DNAJC1: variants seen among roughly 807,000 people sequenced by gnomAD.
DNAJC1 encodes DnaJ heat shock protein family (Hsp40) member C1, also known as dnaJ homolog subfamily C member 1.
Under a neutral mutation model 76.6 loss-of-function variants are expected in DNAJC1, and 58 were observed. That is an observed-to-expected ratio of 0.76 (90% CI 0.61 to 0.94). The LOEUF (loss-of-function observed/expected upper bound fraction) is 0.94. Among genes scored for constraint, DNAJC1 ranks in the 40% least tolerant of loss-of-function variants. DNAJC1 has a pLI of 0.00. For synonymous variants in DNAJC1, 258 were observed against 267.9 expected, an observed-to-expected ratio of 0.96 and a Z score of 0.36; for missense variants, 689 against 677.3, an observed-to-expected ratio of 1.02 and a Z score of -0.19.
chr10:21,891,634 T>C (rs554951262), intron 7 of DNAJC1, among the ~76,000 whole-genome samples: 7 of 151,934 alleles, frequency 4.6e-5, no homozygotes, highest in South Asian at 4.1e-4. Flanking sequence ...CCCCAAACCA[T>C]AGAGGCCAGA....
chr10:21,829,104 CACT>C (rs1235017877), intron 8 of DNAJC1, among the ~76,000 whole-genome samples: 1 of 152,096 alleles, frequency 6.6e-6, no homozygotes, highest in Non-Finnish European at 1.5e-5. Flanking sequence ...GATCTTGGCT[CACT>C]GCAACCTCTG....
chr10:21,886,525 A>AC (rs1384853057), intron 7 of DNAJC1, among the ~76,000 whole-genome samples: 1 of 152,122 alleles, frequency 6.6e-6, no homozygotes, highest in East Asian at 1.9e-4. Context: ...AGCCACAACA[A>AC]CAAAAAAACT....
chr10:21,942,862 G>C (rs1339495566), intron 1 of DNAJC1, among the ~76,000 whole-genome samples: 7 of 147,380 alleles, frequency 4.7e-5, no homozygotes, highest in Non-Finnish European at 9.0e-5. Flanking sequence ...ACAATACCAA[G>C]CCTATATTCA....
intron 1 of DNAJC1, among the ~76,000 whole-genome samples, chr10:21,955,702 A>G (rs941675481): frequency 6.6e-6 from 1 of 152,162 alleles, no homozygotes; most frequent in Non-Finnish European, 1.5e-5. Context: ...TTATCAAACA[A>G]TATTTTGTTT....
chr10:21,852,402 G>A (rs1835770977), intron 8 of DNAJC1, among the ~76,000 whole-genome samples: 1 of 152,054 alleles, frequency 6.6e-6, no homozygotes, highest in African/African-American at 2.4e-5. Context: ...CAGAGGTGGT[G>A]GTTGGACAAC....
chr10:21,948,147 G>T (rs1318396948), intron 1 of DNAJC1, among the ~76,000 whole-genome samples: 1 of 146,970 alleles, frequency 6.8e-6, no homozygotes, highest in East Asian at 2.0e-4. Context: ...CTGGAGTACA[G>T]TGGCACAATC....
intron 8 of DNAJC1, among the ~76,000 whole-genome samples, chr10:21,847,426 A>G (rs1409890293): frequency 6.6e-6 from 1 of 152,106 alleles, no homozygotes; most frequent in Non-Finnish European, 1.5e-5. Flanking sequence ...AAAATTTATC[A>G]TTTCTTTGGG....
chr10:21,857,417 T>C (rs1835852404), intron 8 of DNAJC1, among the ~76,000 whole-genome samples: 1 of 152,196 alleles, frequency 6.6e-6, no homozygotes, highest in African/African-American at 2.4e-5. Context: ...GTTCTACACC[T>C]CATGGAGTGA....
intron 1 of DNAJC1, among the ~76,000 whole-genome samples, chr10:21,940,158 A>G (rs1466204444): frequency 6.6e-6 from 1 of 152,104 alleles, no homozygotes; most frequent in Non-Finnish European, 1.5e-5. Flanking sequence ...TAAAATAAAT[A>G]GAAAAAAGAA....
chr10:21,902,485 A>G (rs923813319), intron 7 of DNAJC1, among the ~76,000 whole-genome samples: 1 of 151,936 alleles, frequency 6.6e-6, no homozygotes, highest in Non-Finnish European at 1.5e-5. Flanking sequence ...TTGTATTTTT[A>G]ATAGAGATGG....
At chr10:21,835,270 T>C (rs1482993671) in intron 8 of DNAJC1, among the ~76,000 whole-genome samples, 1 of 152,098 alleles carries the variant, frequency 6.6e-6, no homozygotes, top group Non-Finnish European at 1.5e-5. Context: ...GAGGGTCCTG[T>C]CTGTTAGAAG....
At chr10:21,816,420 T>C (rs1249671852) in intron 8 of DNAJC1, among the ~76,000 whole-genome samples, 1 of 151,224 alleles carries the variant, frequency 6.6e-6, no homozygotes, top group African/African-American at 2.4e-5. Context: ...CAAAAATCAA[T>C]TGACCAGCTG....
In DNAJC1 at chr10:21,908,899, T is replaced by TC. The variant is rs773788408; in HGVS notation, c.730-4288dup. On this transcript the variant is annotated intron_variant, in intron 6 of 11. Coordinates refer to ENST00000376980, the MANE Select transcript of DNAJC1 (RefSeq NM_022365.4). ...CTTAAAATTTCTTTCTTTTTTTTTT[T>TC]CCCCAAGACAGAGTCTCGCTGTGTC... Among the ~76,000 whole-genome samples the TC allele has an allele frequency of 1.4e-4, 22 of 152,044 alleles. No individual in the cohort carries two copies. In the East Asian group the frequency reaches 3.5e-3, roughly 24 times the overall value.
intron 9 of DNAJC1, among the ~76,000 whole-genome samples, chr10:21,803,589 C>CTGTGTGTGTGTG (rs113615504): frequency 1.7e-4 from 24 of 140,732 alleles, no homozygotes; most frequent in African/African-American, 5.5e-4. Context: ...GAGTGATTTT[C>CTGTGTGTGTGTG]TGTGTGTGTG....
chr10:21,838,091 C>A (rs1016980124), intron 8 of DNAJC1, among the ~76,000 whole-genome samples: 1 of 151,850 alleles, frequency 6.6e-6, no homozygotes, highest in African/African-American at 2.4e-5. Flanking sequence ...GTGAGGAGCC[C>A]CTCTGCCCGG....
chr10:21,835,205 C>G (rs561434309), intron 8 of DNAJC1, among the ~76,000 whole-genome samples: 2 of 152,162 alleles, frequency 1.3e-5, no homozygotes, highest in African/African-American at 4.8e-5. Flanking sequence ...CTGCTGATAC[C>G]CAGGCAAACA....
chr10:21,809,515 T>C (rs1256677277), intron 8 of DNAJC1, among the ~76,000 whole-genome samples: 1 of 151,322 alleles, frequency 6.6e-6, no homozygotes, highest in East Asian at 1.9e-4. Flanking sequence ...AGTTAATATA[T>C]AACACATTAT....
chr10:21,801,165 T>C (rs1041369468), intron 9 of DNAJC1, among the ~76,000 whole-genome samples: 3 of 152,108 alleles, frequency 2.0e-5, no homozygotes, highest in Non-Finnish European at 4.4e-5. Context: ...CGTAAAATAC[T>C]ACAAAAATGA....
chr10:21,829,365 C>T lies in DNAJC1; in HGVS notation c.979-23266G>A, dbSNP rs552019426. On this transcript the variant is annotated intron_variant, in intron 8 of 11. Coordinates refer to ENST00000376980, the MANE Select transcript of DNAJC1 (RefSeq NM_022365.4). ...GGTAGGCGGGACTACAGGCGCCCACCACTATGCCCGGCTAATTTCTTTTTG... is the reference window on the plus strand; with the variant it reads ...GGTAGGCGGGACTACAGGCGCCCACTACTATGCCCGGCTAATTTCTTTTTG... Among the ~76,000 whole-genome samples the T allele has an allele frequency of 1.4e-3, 217 of 152,296 alleles. 1 individual carries two copies. The highest frequency in any genetic ancestry group is 5.6e-4 in the Non-Finnish European group (38 of 68,022).
Sources: allele counts gnomAD v4.1 joint callset (sites outside exome capture counted in the v4.1 genomes callset), GRCh38; gene constraint gnomAD v4.1.1; transcripts MANE v1.5; gene names NCBI Gene and HGNC (gene_info 2026-07-23, HGNC 2026-07-21).